The following NOX3 variants were observed in gnomAD, a reference collection of about 807,000 sequenced individuals.
The protein encoded by NOX3 is NADPH oxidase 3.
Under a neutral mutation model 76.7 loss-of-function variants are expected in NOX3, and 74 were observed. That is an observed-to-expected ratio of 0.96 (90% CI 0.80 to 1.17). NOX3 has a LOEUF of 1.17. Among genes scored for constraint, NOX3 ranks in the 50% most tolerant of loss-of-function variants. The probability of loss-of-function intolerance (pLI) is 0.00; values close to 1 mark genes in which losing one functional copy is unlikely to be tolerated. For missense variants in NOX3, 695 were observed against 703.3 expected, an observed-to-expected ratio of 0.99 and a Z score of 0.13; for synonymous variants, 263 against 261.1, an observed-to-expected ratio of 1.01 and a Z score of -0.07.
chr6:155,407,563 A>G (rs1396146164), intron 11 of NOX3, among the ~76,000 whole-genome samples: 1 of 152,258 alleles, frequency 6.6e-6, no homozygotes, highest in Non-Finnish European at 1.5e-5. Context: ...TGTGGTTAAG[A>G]GAAAGCAAGC....
chr6:155,411,023 T>C (rs892739557), intron 11 of NOX3, among the ~76,000 whole-genome samples, 191 bp downstream of exon 11: 1 of 152,244 alleles, frequency 6.6e-6, no homozygotes, highest in African/African-American at 2.4e-5. Context: ...CTTCTTTTTT[T>C]GGTTCTTTGA....
chr6:155,402,237 G>A (rs1779241075), intron 12 of NOX3, among the ~76,000 whole-genome samples: 1 of 152,102 alleles, frequency 6.6e-6, no homozygotes, highest in Admixed American at 6.5e-5. Flanking sequence ...TATTTAATTA[G>A]CCTACTATAT....
At chr6:155,419,794 T>G (rs1171531667) in intron 10 of NOX3, among the ~76,000 whole-genome samples, 1 of 152,126 alleles carries the variant, frequency 6.6e-6, no homozygotes, top group Non-Finnish European at 1.5e-5. Context: ...TTTAAAATTT[T>G]TGGGGGTTCT....
rs755479061 is a variant in NOX3, at chr6:155,436,571, C to T, written c.669-24G>A. ...GACTTGTTATTTAAGAAAAGCAAAA[C>T]AAAACAAAAAGCAAAAAACGTCAAA... On this transcript the variant is annotated intron_variant, in intron 6 of 13. Transcript: ENST00000159060. 11 of 1,611,504 alleles carry T rather than the reference C, an allele frequency of 6.8e-6. No homozygotes were observed. The Admixed American group carries it at 8.4e-5, about 12-fold the overall frequency.
At chr6:155,449,552 A>G (rs1451017302) in intron 4 of NOX3, among the ~76,000 whole-genome samples, 1 of 152,206 alleles carries the variant, frequency 6.6e-6, no homozygotes, top group African/African-American at 2.4e-5. Context: ...GACAAGCAGG[A>G]AGGCAGGAAG....
At chr6:155,401,807 A>G (rs1779232665) in intron 12 of NOX3, among the ~76,000 whole-genome samples, 1 of 147,288 alleles carries the variant, frequency 6.8e-6, no homozygotes, top group African/African-American at 2.5e-5. Context: ...AAAAAAAAAA[A>G]TGACCAAACT....
intron 5 of NOX3, among the ~76,000 whole-genome samples, chr6:155,440,784 GT>G (rs1432371664): frequency 6.6e-6 from 1 of 152,044 alleles, no homozygotes; most frequent in African/African-American, 2.4e-5. Flanking sequence ...TGAGTTTTAA[GT>G]TTTTAATCTT....
intron 12 of NOX3, among the ~76,000 whole-genome samples, chr6:155,403,076 A>G (rs1360894566): frequency 6.6e-6 from 1 of 152,226 alleles, no homozygotes; most frequent in Non-Finnish European, 1.5e-5. Flanking sequence ...CTTTGTGCAG[A>G]ACAGTAATTG....
At chr6:155,443,490 GTC>G (rs1777022328) in intron 4 of NOX3, 72 bp from the exon 5 acceptor site, 1 of 1,519,940 alleles carries the variant, frequency 6.6e-7, no homozygotes, top group African/African-American at 1.4e-5. Context: ...AAAATACAGT[GTC>G]TCTGTGCTCA....
chr6:155,399,478 G>A (rs1474404419), intron 12 of NOX3, among the ~76,000 whole-genome samples: 6 of 152,268 alleles, frequency 3.9e-5, no homozygotes, highest in Admixed American at 6.5e-5. Flanking sequence ...CATATCCGCC[G>A]TGGTGATGCA....
chr6:155,424,127 A>G (rs1776727394), intron 9 of NOX3, among the ~76,000 whole-genome samples: 1 of 152,182 alleles, frequency 6.6e-6, no homozygotes, highest in Admixed American at 6.5e-5. Context: ...TTCCTGTGGA[A>G]GCCTTCTTGA....
intron 12 of NOX3, among the ~76,000 whole-genome samples, chr6:155,400,129 G>T (rs1779204008): frequency 6.6e-6 from 1 of 152,136 alleles, no homozygotes; most frequent in South Asian, 2.1e-4. Flanking sequence ...TCTCTGTGGG[G>T]TTGGTGCATT....
chr6:155,426,034 C>T (rs1034817397), intron 9 of NOX3, among the ~76,000 whole-genome samples: 2 of 152,184 alleles, frequency 1.3e-5, no homozygotes, highest in African/African-American at 4.8e-5. Context: ...TAGTGCTCTC[C>T]CCAATATGAT....
At chr6:155,409,032 C>G (rs897308985) in intron 11 of NOX3, among the ~76,000 whole-genome samples, 3 of 152,032 alleles carry the variant, frequency 2.0e-5, no homozygotes, top group African/African-American at 7.3e-5. Context: ...AATGGGTAAC[C>G]CCACCAGTAT....
intron 10 of NOX3, 56 bp downstream of exon 10, chr6:155,422,637 TA>T: frequency 6.5e-7 from 1 of 1,530,370 alleles, no homozygotes; most frequent in Non-Finnish European, 9.0e-7. Flanking sequence ...AGATGATAGA[TA>T]TAAGGACATT....
intron 9 of NOX3, among the ~76,000 whole-genome samples, 196 bp downstream of exon 9, chr6:155,428,598 T>C (rs1455766129): frequency 6.6e-6 from 1 of 151,402 alleles, no homozygotes; most frequent in East Asian, 1.9e-4. Context: ...TTTTTTTTTT[T>C]TTTTTTTACA....
rs540660307 is a variant in NOX3 at position 155,420,190 on chromosome 6, T to C, written c.1308+2504A>G. On this transcript the variant is annotated intron_variant, in intron 10 of 13. Transcript: ENST00000159060. ...GGAGGTTAAGAGAAGGGGGAGGTGA[T>C]TGTGAGTCGGGTGTAATGACAATGA... Among the ~76,000 whole-genome samples, 6 of 152,058 alleles carry C rather than the reference T, an allele frequency of 3.9e-5. No individual in the cohort carries two copies. In the South Asian group the frequency reaches 6.2e-4, roughly 16 times the overall value.
At chr6:155,429,323 G>A (rs1159926713) in intron 8 of NOX3, among the ~76,000 whole-genome samples, 1 of 152,180 alleles carries the variant, frequency 6.6e-6, no homozygotes, top group Non-Finnish European at 1.5e-5. Context: ...TGTGTCCAAT[G>A]GCCAGGCTTT....
chr6:155,413,104 A>G (rs1776575317), intron 10 of NOX3, among the ~76,000 whole-genome samples: 1 of 152,166 alleles, frequency 6.6e-6, no homozygotes, highest in Admixed American at 6.5e-5. Flanking sequence ...TTCAACACAT[A>G]TTTGTTGAAT....
Sources: gnomAD v4.1 joint callset for allele counts (sites outside exome capture counted in the v4.1 genomes callset) on GRCh38, gnomAD v4.1.1 for gene constraint, MANE v1.5 for transcripts, NCBI Gene and HGNC (gene_info 2026-07-23, HGNC 2026-07-21) for gene names.